CAAP1: variants seen among roughly 807,000 people sequenced by gnomAD.
CAAP1 encodes the protein conserved anti-apoptotic protein.
CAAP1 carries 20 observed loss-of-function variants against 34.0 expected under a neutral mutation model. The ratio of observed to expected loss-of-function variants is 0.59; its 90% CI spans 0.41 to 0.86. The LOEUF (loss-of-function observed/expected upper bound fraction) is 0.86, where lower values mean the gene tolerates loss of function less well. Ranked by LOEUF, CAAP1 falls within the 40% of genes least tolerant of loss-of-function variation. The probability of loss-of-function intolerance (pLI) is 0.00; values close to 1 mark genes in which losing one functional copy is unlikely to be tolerated. For synonymous variants in CAAP1, 213 were observed against 166.7 expected (o/e 1.28, Z -2.14); for missense variants, 538 against 450.5 (o/e 1.19, Z -1.76).
chr9:26,851,234 G>C (rs769359880), intron 5 of CAAP1, among the ~76,000 whole-genome samples: 2 of 152,074 alleles, frequency 1.3e-5, no homozygotes, highest in African/African-American at 2.4e-5. Flanking sequence ...GAATATACAA[G>C]GCAACAGGCA....
chr9:26,888,358 C>A (rs1189056081), intron 1 of CAAP1, among the ~76,000 whole-genome samples: 3 of 152,192 alleles, frequency 2.0e-5, no homozygotes, highest in Non-Finnish European at 4.4e-5. Context: ...TCCTTCAGCT[C>A]ATAGAAGCAG....
At chr9:26,862,176 C>T (rs1259586967) in intron 4 of CAAP1, among the ~76,000 whole-genome samples, 1 of 152,002 alleles carries the variant, frequency 6.6e-6, no homozygotes. Flanking sequence ...CTGGCAGGTC[C>T]CAAGGAGGAT....
At chr9:26,857,998 A>G (rs1822912033) in intron 5 of CAAP1, among the ~76,000 whole-genome samples, 1 of 152,238 alleles carries the variant, frequency 6.6e-6, no homozygotes, top group Non-Finnish European at 1.5e-5. Context: ...TATACCATTA[A>G]TAGGTCACAT....
At chr9:26,853,088 G>A (rs1382402322) in intron 5 of CAAP1, among the ~76,000 whole-genome samples, 1 of 152,130 alleles carries the variant, frequency 6.6e-6, no homozygotes, top group East Asian at 1.9e-4. Flanking sequence ...GAAGCTATTA[G>A]AAGGCTTTGA....
intron 4 of CAAP1, among the ~76,000 whole-genome samples, chr9:26,883,565 G>A (rs892591360): frequency 6.6e-6 from 1 of 152,118 alleles, no homozygotes; most frequent in African/African-American, 2.4e-5. Context: ...GTATGAAGAA[G>A]CAAAGCACTT....
At chr9:26,887,071 G>A (rs1379951837) in intron 2 of CAAP1, among the ~76,000 whole-genome samples, 1 of 152,072 alleles carries the variant, frequency 6.6e-6, no homozygotes, top group East Asian at 1.9e-4. Flanking sequence ...AATTAGCCGG[G>A]CATGGTGGTT....
intron 4 of CAAP1, among the ~76,000 whole-genome samples, chr9:26,882,837 T>C (rs1236253171): frequency 2.0e-5 from 3 of 152,140 alleles, no homozygotes; most frequent in East Asian, 1.9e-4. Flanking sequence ...TTTGCATCAG[T>C]GTGACCTGGA....
chr9:26,864,471 C>A (rs1823081570), intron 4 of CAAP1, among the ~76,000 whole-genome samples: 1 of 151,544 alleles, frequency 6.6e-6, no homozygotes, highest in Non-Finnish European at 1.5e-5. Flanking sequence ...AAAATTTAAT[C>A]CTACACCTGC....
chr9:26,853,510 T>A lies in CAAP1; in HGVS notation c.739+7556A>T, dbSNP rs1003194391. On this transcript the variant is annotated intron_variant, in intron 5 of 5. Transcript: ENST00000333916. ...ACATAAGATCATCAGTTAGACAGTG[T>A]AGAAAAAAGTCAGTCCTGGGGCACT... Among the ~76,000 whole-genome samples the A allele has an allele frequency of 4.4e-4, 67 of 152,140 alleles. 2 individuals carry two copies. The highest frequency in any genetic ancestry group is 1.6e-3 in the African/African-American group (65 of 41,424).
intron 5 of CAAP1, among the ~76,000 whole-genome samples, chr9:26,854,017 A>G (rs566401269): frequency 1.3e-5 from 2 of 152,290 alleles, no homozygotes; most frequent in African/African-American, 4.8e-5. Flanking sequence ...TCTTCAAACC[A>G]AAGGGCACAG....
chr9:26,856,897 A>G (rs1224539866), intron 5 of CAAP1, among the ~76,000 whole-genome samples: 2 of 152,228 alleles, frequency 1.3e-5, no homozygotes, highest in African/African-American at 2.4e-5. Context: ...TACAAAAACC[A>G]TAAGAACTTA....
At chr9:26,876,066 G>C (rs1823421112) in intron 4 of CAAP1, among the ~76,000 whole-genome samples, 1 of 152,142 alleles carries the variant, frequency 6.6e-6, no homozygotes, top group Admixed American at 6.6e-5. Flanking sequence ...TCCAAAATAA[G>C]TCTTAAGAAC....
chr9:26,845,932 C>T (rs994416398), intron 5 of CAAP1, among the ~76,000 whole-genome samples: 2 of 152,002 alleles, frequency 1.3e-5, no homozygotes, highest in African/African-American at 2.4e-5. Flanking sequence ...ATTTCTCTAA[C>T]AGATCTTTTT....
chr9:26,864,676 T>G (rs1823088696), intron 4 of CAAP1, among the ~76,000 whole-genome samples: 1 of 152,220 alleles, frequency 6.6e-6, no homozygotes, highest in South Asian at 2.1e-4. Context: ...TTAAAGTGAC[T>G]AAAGGGAATC....
At position 26,887,409 on chromosome 9, in the gene CAAP1, A is replaced by G; in HGVS notation, c.408T>C (p.Val136=). The G allele has an allele frequency of 6.2e-7, 1 of 1,612,842 alleles. No individual in the cohort carries two copies. The highest frequency in any genetic ancestry group is 1.1e-5 in the South Asian group (1 of 90,892). The change falls in exon 2 of 6, where the codon GTT becomes GTC. Residue 136 remains valine, a synonymous_variant. Transcript: ENST00000333916. ...GLDLTVSLKP[V]SFYISDKKEM... is the part of the protein sequence containing the mutation. ...CTTTTTTGTCTGATATATAGAAACT[A>G]ACTGGTTTCAATGACACAGTCAGGT...
chr9:26,884,946 T>A (rs959389863), intron 3 of CAAP1, 61 bp from the exon 4 acceptor site: 13 of 1,229,222 alleles, frequency 1.1e-5, no homozygotes, highest in Non-Finnish European at 1.5e-5. Context: ...GATGCAATCA[T>A]GACATTAAAA....
chr9:26,842,348 C>T lies in CAAP1; in HGVS notation c.1039G>A (p.Ala347Thr). 6.2e-7 allele frequency: 1 copy of T among 1,613,240 alleles called. No individual in the cohort carries two copies. Among genetic ancestry groups the T allele is most frequent in the African/African-American group, 1.3e-5 (1 of 75,018 alleles). The change falls in exon 6 of 6, where the codon GCG becomes ACG. Residue 347 changes from alanine to threonine, a missense_variant. Around this residue, in one of 3 missense-constraint regions of CAAP1, gnomAD observed 18 missense variants for 22.3 expected, o/e 0.81. Transcript: ENST00000333916. ...CCAGCTTTCATTAGGGCTTTAATCG[C>T]TCTTGCCCTCATCTCAAGTTCTAGC... is the stretch of plus-strand genomic sequence containing the variant. ...ELLELEMRARAIKALMKAGDI... is the reference protein window; with the variant it reads ...ELLELEMRARTIKALMKAGDI...
At chr9:26,869,585 C>T (rs1282526501) in intron 4 of CAAP1, among the ~76,000 whole-genome samples, 1 of 152,188 alleles carries the variant, frequency 6.6e-6, no homozygotes, top group Non-Finnish European at 1.5e-5. Context: ...TTGAGTACAA[C>T]TTTTCAGCAA....
At chr9:26,862,554 CCAGA>C (rs1422104191) in intron 4 of CAAP1, among the ~76,000 whole-genome samples, 1 of 151,864 alleles carries the variant, frequency 6.6e-6, no homozygotes, top group Admixed American at 6.6e-5. Flanking sequence ...TGAAGAATCA[CCAGA>C]CAAACTCAAA....
Sources: gnomAD v4.1 joint callset for allele counts (sites outside exome capture counted in the v4.1 genomes callset) on GRCh38, gnomAD v4.1.1 for gene constraint, gnomAD v4.1.1 regional missense constraint, MANE v1.5 for transcripts, NCBI Gene and HGNC (gene_info 2026-07-23, HGNC 2026-07-21) for gene names.